The following ANKMY2 variants were observed in gnomAD, a reference collection of about 807,000 sequenced individuals.
ANKMY2 encodes the protein ankyrin repeat and MYND domain containing 2.
ANKMY2 carries 36 observed loss-of-function variants against 50.4 expected under a neutral mutation model. That is an observed-to-expected ratio of 0.71 (90% confidence interval 0.55 to 0.94). The LOEUF (loss-of-function observed/expected upper bound fraction) is 0.94. Ranked by LOEUF, ANKMY2 falls within the 40% of genes least tolerant of loss-of-function variation. ANKMY2 has a pLI of 0.00. For missense variants in ANKMY2, 565 were observed against 524.0 expected, an observed-to-expected ratio of 1.08 and a Z score of -0.76; for synonymous variants, 187 against 178.8, an observed-to-expected ratio of 1.05 and a Z score of -0.36.
intron 8 of ANKMY2, among the ~76,000 whole-genome samples, chr7:16,603,053 G>A (rs1162286788): frequency 1.3e-5 from 2 of 152,182 alleles, no homozygotes; most frequent in Non-Finnish European, 2.9e-5. Context: ...CGTAAGAACG[G>A]CCTAACACAG....
chr7:16,609,821 A>C, intron 6 of ANKMY2, 56 bp from the exon 7 acceptor site: 7 of 1,572,774 alleles, frequency 4.5e-6, no homozygotes, highest in Non-Finnish European at 6.0e-6. Context: ...ATTCTCTCCT[A>C]GTTGAACCCA....
chr7:16,629,384 A>T (rs1471825618), intron 2 of ANKMY2, among the ~76,000 whole-genome samples: 1 of 152,146 alleles, frequency 6.6e-6, no homozygotes, highest in East Asian at 1.9e-4. Flanking sequence ...AAAAATACAA[A>T]AATTAGCTGG....
At chr7:16,621,612 G>A (rs1781436442) in intron 4 of ANKMY2, among the ~76,000 whole-genome samples, 1 of 152,212 alleles carries the variant, frequency 6.6e-6, no homozygotes, top group South Asian at 2.1e-4. Context: ...GTAACTCCTG[G>A]TCAAGAGGCC....
rs780471890 is a variant in ANKMY2, at chr7:16,600,793, C to T, written c.1294G>A (p.Ala432Thr). Reference protein sequence around the residue: ...SEAELEGLQDAPAGPQVSEE With the variant: ...SEAELEGLQDTPAGPQVSEE ...TCAGACACCTGTGGCCCTGCAGGAG[C>T]ATCCTGTAAGCCTTCCAACTCAGCT... The change falls in exon 10 of 10, where the codon GCT becomes ACT. Residue 432 changes from alanine to threonine, a missense_variant. By Grantham distance (58) the Ala-to-Thr change is moderately conservative. Coordinates refer to ENST00000306999, the MANE Select transcript of ANKMY2 (RefSeq NM_020319.3). The T allele has an allele frequency of 1.2e-6, 2 of 1,612,864 alleles. No homozygotes were observed. The highest frequency in any genetic ancestry group is 2.2e-5 in the South Asian group (2 of 90,870).
rs1297992730 is a variant in ANKMY2 at position 16,617,146 on chromosome 7, ATGCAGTT to A, written c.371-1249_371-1243del. ...TGTAGATTTTGTTTTAAGGAAGCAT[ATGCAGTT>A]TGTCTTCATCTTCCCTGGTTTCTTC... On this transcript the variant is annotated intron_variant, in intron 4 of 9. Transcript: ENST00000306999. 3.9e-5 allele frequency among the ~76,000 whole-genome samples: 6 copies of A among 152,196 alleles called. No individual in the cohort carries two copies. In the South Asian group the frequency reaches 1.0e-3, roughly 26 times the overall value.
intron 4 of ANKMY2, among the ~76,000 whole-genome samples, chr7:16,623,432 A>G (rs977602594): frequency 1.3e-5 from 2 of 151,700 alleles, no homozygotes; most frequent in Admixed American, 1.3e-4. Flanking sequence ...GAAAGAAGAG[A>G]CTCCTCCATT....
intron 4 of ANKMY2, among the ~76,000 whole-genome samples, chr7:16,619,704 A>C (rs143885363): frequency 6.8e-4 from 104 of 152,252 alleles, no homozygotes; most frequent in African/African-American, 2.4e-3. Context: ...AAATAAAATA[A>C]TACTACTAAT....
chr7:16,601,744 G>A (rs1781069072), intron 9 of ANKMY2, among the ~76,000 whole-genome samples: 1 of 152,156 alleles, frequency 6.6e-6, no homozygotes, highest in African/African-American at 2.4e-5. Context: ...ACATTCTCTG[G>A]AATGAGGCAT....
At chr7:16,603,972 A>G (rs1336492020) in intron 8 of ANKMY2, among the ~76,000 whole-genome samples, 1 of 152,244 alleles carries the variant, frequency 6.6e-6, no homozygotes, top group Non-Finnish European at 1.5e-5. Flanking sequence ...ATTAACCAAT[A>G]TAAATAGTTT....
intron 5 of ANKMY2, among the ~76,000 whole-genome samples, chr7:16,615,428 C>A (rs1208934436): frequency 6.6e-6 from 1 of 152,134 alleles, no homozygotes; most frequent in Non-Finnish European, 1.5e-5. Flanking sequence ...CTGATGAATA[C>A]AAAAGAATTC....
At chr7:16,629,756 G>T (rs1027261406) in intron 2 of ANKMY2, among the ~76,000 whole-genome samples, 31 of 152,160 alleles carry the variant, frequency 2.0e-4, no homozygotes, top group African/African-American at 6.5e-4. Flanking sequence ...TCCTATCTTA[G>T]TACAATTTTG....
At chr7:16,616,569 GGC>G (rs1562771249) in intron 4 of ANKMY2, among the ~76,000 whole-genome samples, 1 of 99,358 alleles carries the variant, frequency 1.0e-5, no homozygotes, top group South Asian at 3.4e-4. Context: ...GTGCTCCTGC[GGC>G]GCCCCCCCCT....
intron 1 of ANKMY2, among the ~76,000 whole-genome samples, chr7:16,642,616 C>T (rs956234405): frequency 1.3e-5 from 2 of 150,520 alleles, no homozygotes; most frequent in Non-Finnish European, 3.0e-5. Context: ...CTTATTGTCT[C>T]ATCTAGAGTT....
chr7:16,644,973 GGA>G (rs1781810143), intron 1 of ANKMY2, among the ~76,000 whole-genome samples: 4 of 152,204 alleles, frequency 2.6e-5, no homozygotes, highest in Admixed American at 2.6e-4. Flanking sequence ...CCCTGGATAC[GGA>G]AGTCTCAATG....
chr7:16,616,573 C>G (rs57988707), intron 4 of ANKMY2, among the ~76,000 whole-genome samples: 19 of 150,860 alleles, frequency 1.3e-4, no homozygotes, highest in Non-Finnish European at 2.4e-4. Context: ...TCCTGCGGCG[C>G]CCCCCCCTCC....
chr7:16,644,405 C>G (rs1318942274), intron 1 of ANKMY2, among the ~76,000 whole-genome samples: 1 of 152,110 alleles, frequency 6.6e-6, no homozygotes, highest in Non-Finnish European at 1.5e-5. Flanking sequence ...GAGTTCAAAC[C>G]GGAATTTTTT....
intron 2 of ANKMY2, among the ~76,000 whole-genome samples, chr7:16,632,362 C>T (rs1781601620): frequency 6.6e-6 from 1 of 152,086 alleles, no homozygotes; most frequent in South Asian, 2.1e-4. Context: ...TTTTCATAAT[C>T]CCTGAAAGAA....
chr7:16,620,586 A>ATG (rs1347494205), intron 4 of ANKMY2, among the ~76,000 whole-genome samples: 1 of 137,358 alleles, frequency 7.3e-6, no homozygotes. Flanking sequence ...AGGGAAATAC[A>ATG]TGTGTACACA....
intron 4 of ANKMY2, among the ~76,000 whole-genome samples, chr7:16,622,774 AAATAAATAAAT>A (rs201319870): frequency 0.17 from 26,088 of 150,486 alleles, 2,513 homozygotes; most frequent in Middle Eastern, 0.25. Flanking sequence ...ATAAATAAAT[AAATAAATAAAT>A]AAAAATAAAA....
Sources: gnomAD v4.1 joint callset for allele counts (sites outside exome capture counted in the v4.1 genomes callset) on GRCh38, gnomAD v4.1.1 for gene constraint, MANE v1.5 for transcripts, NCBI Gene and HGNC (gene_info 2026-07-23, HGNC 2026-07-21) for gene names.